LRRC8D: variants seen among roughly 807,000 people sequenced by gnomAD.
LRRC8D encodes leucine rich repeat containing 8 VRAC subunit D, also known as volume-regulated anion channel subunit LRRC8D.
A neutral mutation model predicts 55.8 loss-of-function variants in LRRC8D; 20 were observed. The ratio of observed to expected loss-of-function variants is 0.36; its 90% confidence interval spans 0.25 to 0.52. The LOEUF (loss-of-function observed/expected upper bound fraction) is 0.52, where lower values mean the gene tolerates loss of function less well. Among genes scored for constraint, LRRC8D ranks in the 20% least tolerant of loss-of-function variants. The pLI is 0.93. For missense variants in LRRC8D, 651 were observed against 1,030.8 expected (o/e 0.63, Z 5.05); for synonymous variants, 352 against 377.0 (o/e 0.93, Z 0.77).
chr1:89,932,997 T>C (rs1663749428), intron 2 of LRRC8D, 70 bp from the exon 3 acceptor site: 5 of 1,382,138 alleles, frequency 3.6e-6, no homozygotes, highest in African/African-American at 2.9e-5. Flanking sequence ...GGAGCAGGCA[T>C]AGGGTTTTTC....
chr1:89,855,127 A>C (rs1465025384), intron 2 of LRRC8D, among the ~76,000 whole-genome samples: 2 of 152,074 alleles, frequency 1.3e-5, no homozygotes, highest in Non-Finnish European at 2.9e-5. Flanking sequence ...AAAGTGTAGT[A>C]TTGTAGAAGA....
chr1:89,866,485 T>C (rs896137478), intron 2 of LRRC8D, among the ~76,000 whole-genome samples: 1 of 152,358 alleles, frequency 6.6e-6, no homozygotes, highest in Non-Finnish European at 1.5e-5. Flanking sequence ...GGTAGTTTTT[T>C]AGAGATCCTT....
chr1:89,919,912 C>G (rs1222825846), intron 2 of LRRC8D, among the ~76,000 whole-genome samples: 1 of 152,260 alleles, frequency 6.6e-6, no homozygotes, highest in East Asian at 1.9e-4. Flanking sequence ...TAAGTGGGGT[C>G]TATAGATACT....
chr1:89,893,730 G>A (rs560857703), intron 2 of LRRC8D, among the ~76,000 whole-genome samples: 1 of 152,296 alleles, frequency 6.6e-6, no homozygotes, highest in South Asian at 2.1e-4. Flanking sequence ...GAGACATGCA[G>A]TTGGTTTTTA....
At chr1:89,883,842 C>T (rs535376757) in intron 2 of LRRC8D, among the ~76,000 whole-genome samples, 7 of 152,192 alleles carry the variant, frequency 4.6e-5, no homozygotes, top group African/African-American at 1.7e-4. Flanking sequence ...AGATTCTGTT[C>T]AGCACTAGCA....
intron 2 of LRRC8D, among the ~76,000 whole-genome samples, chr1:89,859,268 T>C (rs1310145256): frequency 6.6e-6 from 1 of 152,160 alleles, no homozygotes; most frequent in Non-Finnish European, 1.5e-5. Context: ...CTTTTTTTTT[T>C]TTTAAGCTCA....
intron 2 of LRRC8D, among the ~76,000 whole-genome samples, chr1:89,889,460 T>G (rs1216754074): frequency 6.6e-6 from 1 of 152,124 alleles, no homozygotes; most frequent in Non-Finnish European, 1.5e-5. Flanking sequence ...ATAATATATT[T>G]TTATTGGTCT....
intron 2 of LRRC8D, among the ~76,000 whole-genome samples, chr1:89,875,819 ACT>A (rs1662134356): frequency 6.6e-6 from 1 of 152,226 alleles, no homozygotes; most frequent in Non-Finnish European, 1.5e-5. Flanking sequence ...CGCTTTGTAT[ACT>A]GTTTCATTTT....
intron 2 of LRRC8D, among the ~76,000 whole-genome samples, chr1:89,917,873 C>T (rs1663313811): frequency 6.6e-6 from 1 of 152,158 alleles, no homozygotes; most frequent in Admixed American, 6.5e-5. Context: ...TCTACCTCAG[C>T]CTGTACCTCT....
At chr1:89,918,941 T>C (rs555881814) in intron 2 of LRRC8D, among the ~76,000 whole-genome samples, 1 of 152,322 alleles carries the variant, frequency 6.6e-6, no homozygotes, top group African/African-American at 2.4e-5. Flanking sequence ...ATTCATTCTG[T>C]TAACAAATCT....
chr1:89,928,694 G>A (rs1663628625), intron 2 of LRRC8D, among the ~76,000 whole-genome samples: 1 of 152,160 alleles, frequency 6.6e-6, no homozygotes, highest in Non-Finnish European at 1.5e-5. Flanking sequence ...CACTACCTTT[G>A]AACTTTTCTT....
chr1:89,934,108 T>C lies in LRRC8D; in HGVS notation c.1040T>C (p.Ile347Thr), dbSNP rs1283199322. ...TGCAAGCCCAAAGTTGAGCATCTGA[T>C]TGGTTATGAGGTATTTGAGTGCACC... ...HVCKPKVEHL[I>T]GYEVFECTHN... is the part of the protein sequence containing the mutation. Residue 347 changes from isoleucine to threonine, a missense_variant, in exon 3 of 3, where the codon ATT (isoleucine) becomes ACT (threonine). Physicochemically the swap from Ile to Thr is moderately conservative, Grantham distance 89. Around this residue, in one of 5 missense-constraint regions of LRRC8D, gnomAD observed 178 missense variants for 374.9 expected, o/e 0.47. Coordinates refer to ENST00000337338, the MANE Select transcript of LRRC8D (RefSeq NM_001134479.2). The surrounding 1 kb of genome is among the most constrained non-coding windows in gnomAD (Gnocchi z 5.9). The C allele has an allele frequency of 6.2e-7, 1 of 1,614,182 alleles. No homozygotes were observed. Among genetic ancestry groups the C allele is most frequent in the East Asian group, 2.2e-5 (1 of 44,890 alleles).
intron 2 of LRRC8D, among the ~76,000 whole-genome samples, chr1:89,845,754 A>G (rs938890439): frequency 1.3e-5 from 2 of 151,950 alleles, no homozygotes; most frequent in Non-Finnish European, 2.9e-5. Flanking sequence ...AAAGACCTGT[A>G]CAACCATAGT....
At chr1:89,866,682 C>T (rs1488890095) in intron 2 of LRRC8D, among the ~76,000 whole-genome samples, 1 of 152,178 alleles carries the variant, frequency 6.6e-6, no homozygotes. Flanking sequence ...GAATGTCAAG[C>T]TTTGTTTTCT....
At chr1:89,873,141 CAT>C (rs1662063485) in intron 2 of LRRC8D, among the ~76,000 whole-genome samples, 1 of 152,080 alleles carries the variant, frequency 6.6e-6, no homozygotes, top group Non-Finnish European at 1.5e-5. Context: ...GGGGAGAGAT[CAT>C]AGAGATCCAG....
At chr1:89,929,266 C>A (rs1378794908) in intron 2 of LRRC8D, among the ~76,000 whole-genome samples, 1 of 152,164 alleles carries the variant, frequency 6.6e-6, no homozygotes, top group Non-Finnish European at 1.5e-5. Context: ...CTGGAAAAGG[C>A]TGCAGAAACC....
chr1:89,823,601 A>G (rs1660692849), intron 1 of LRRC8D, among the ~76,000 whole-genome samples: 1 of 152,174 alleles, frequency 6.6e-6, no homozygotes, highest in African/African-American at 2.4e-5. Context: ...CTTGTAAGAG[A>G]TTTCAGTTAT....
chr1:89,834,778 A>G (rs1027599031), intron 1 of LRRC8D, among the ~76,000 whole-genome samples: 5 of 152,348 alleles, frequency 3.3e-5, no homozygotes, highest in South Asian at 2.1e-4. Flanking sequence ...GGTGACAGGT[A>G]GAGAATTGAT....
intron 2 of LRRC8D, among the ~76,000 whole-genome samples, chr1:89,851,222 T>C (rs1169297964): frequency 6.6e-6 from 1 of 152,330 alleles, no homozygotes; most frequent in Non-Finnish European, 1.5e-5. Context: ...GGTACATTCC[T>C]GGTACGGCTT....
Sources: allele counts gnomAD v4.1 joint callset (sites outside exome capture counted in the v4.1 genomes callset), GRCh38; gene constraint gnomAD v4.1.1; regional missense constraint gnomAD v4.1.1; non-coding constraint Gnocchi (gnomAD v3.1); transcripts MANE v1.5; gene names NCBI Gene and HGNC (gene_info 2026-07-23, HGNC 2026-07-21).